The following RBFOX3 variants were observed in gnomAD, a reference collection of about 807,000 sequenced individuals.
RBFOX3 encodes RNA binding fox-1 homolog 3, also known as RNA binding protein fox-1 homolog 3.
A neutral mutation model predicts 48.7 loss-of-function variants in RBFOX3; 17 were observed. The observed-to-expected ratio is 0.35, with a 90% CI of 0.24 to 0.52. The LOEUF (loss-of-function observed/expected upper bound fraction) is 0.52, where lower values mean the gene tolerates loss of function less well. Ranked by LOEUF, RBFOX3 falls within the 20% of genes least tolerant of loss-of-function variation. The pLI is 0.94. For missense variants in RBFOX3, 382 were observed against 497.5 expected, an observed-to-expected ratio of 0.77 and a Z score of 2.21; for synonymous variants, 212 against 209.5, an observed-to-expected ratio of 1.01 and a Z score of -0.10.
intron 4 of RBFOX3, among the ~76,000 whole-genome samples, chr17:79,153,013 C>T (rs962137433): frequency 6.6e-6 from 1 of 152,218 alleles, no homozygotes; most frequent in African/African-American, 2.4e-5. Context: ...CCCCGCCCCA[C>T]CCTACTCCCT....
chr17:79,465,400 G>A (rs2076175763), intron 2 of RBFOX3, among the ~76,000 whole-genome samples: 1 of 152,160 alleles, frequency 6.6e-6, no homozygotes, highest in Non-Finnish European at 1.5e-5. Flanking sequence ...ACACACCACG[G>A]AGGACTGGAG....
At chr17:79,258,295 C>T (rs1462214053) in intron 3 of RBFOX3, among the ~76,000 whole-genome samples, 1 of 152,186 alleles carries the variant, frequency 6.6e-6, no homozygotes, top group Non-Finnish European at 1.5e-5. Context: ...TCCAGTGATA[C>T]GCCGCAGACA....
At chr17:79,635,474 A>C in the RBFOX3 span, among the ~76,000 whole-genome samples, 1 of 152,328 alleles carries the variant, frequency 6.6e-6, no homozygotes, top group South Asian at 2.1e-4. Flanking sequence ...CAAAGCAAGA[A>C]TCTGAGGAGG....
rs2057231828 is a variant in RBFOX3, at chr17:79,363,150, G to A, written c.-174-55326C>T. ...GCTCCTGCAGGGGAGATGGAGGGGA[G>A]GCACATGACTCCTGTGTCTGAGGTG... On this transcript the variant is annotated intron_variant, in intron 2 of 14. Coordinates refer to ENST00000693108, the MANE Select transcript of RBFOX3 (RefSeq NM_001350451.2). The surrounding 1 kb of genome is among the most constrained non-coding windows in gnomAD (Gnocchi z 4.7). Among the ~76,000 whole-genome samples the A allele has an allele frequency of 1.3e-5, 2 of 152,202 alleles. No individual in the cohort carries two copies. The highest frequency in any genetic ancestry group is 1.3e-4 in the Admixed American group (2 of 15,286).
intron 2 of RBFOX3, among the ~76,000 whole-genome samples, chr17:79,393,549 C>A (rs2061602234): frequency 6.6e-6 from 1 of 152,254 alleles, no homozygotes; most frequent in African/African-American, 2.4e-5. Context: ...ACACTGGATG[C>A]TGAGCGGGTC....
intron 2 of RBFOX3, among the ~76,000 whole-genome samples, chr17:79,352,139 T>C (rs1311065840): frequency 6.6e-6 from 1 of 152,216 alleles, no homozygotes; most frequent in Non-Finnish European, 1.5e-5. Flanking sequence ...GGTTTGGCTC[T>C]GTGTCCCCAC....
intron 1 of RBFOX3, among the ~76,000 whole-genome samples, chr17:79,540,517 G>C (rs1555789933): frequency 3.3e-5 from 5 of 152,250 alleles, no homozygotes; most frequent in Non-Finnish European, 7.3e-5. Context: ...GCCAAGGCCA[G>C]CATCCTGGAT....
At chr17:79,154,838 C>G (rs1228700811) in intron 4 of RBFOX3, among the ~76,000 whole-genome samples, 1 of 152,234 alleles carries the variant, frequency 6.6e-6, no homozygotes, top group East Asian at 1.9e-4. Context: ...TGAGCAAGTG[C>G]GAACCCTCCC....
At chr17:79,439,637 A>G (rs8078364) in intron 2 of RBFOX3, among the ~76,000 whole-genome samples, 22,926 of 152,290 alleles carry the variant, frequency 0.15, 2,009 homozygotes, top group Non-Finnish European at 0.19. Flanking sequence ...TCACACGCAC[A>G]CTGCACACAT....
intron 4 of RBFOX3, among the ~76,000 whole-genome samples, chr17:79,189,891 C>G (rs2054123662): frequency 1.3e-5 from 2 of 152,220 alleles, no homozygotes; most frequent in Admixed American, 1.3e-4. Flanking sequence ...AGTGAAGTGC[C>G]CTTGGATGGT....
At chr17:79,118,989 A>AT (rs1475283510) in intron 4 of RBFOX3, among the ~76,000 whole-genome samples, 6 of 148,412 alleles carry the variant, frequency 4.0e-5, no homozygotes, top group Admixed American at 6.7e-5. Flanking sequence ...AAAAAAAAAA[A>AT]AAAATAAAGA....
At chr17:79,309,563 A>G (rs965912472) in intron 2 of RBFOX3, among the ~76,000 whole-genome samples, 11 of 152,118 alleles carry the variant, frequency 7.2e-5, no homozygotes, top group Non-Finnish European at 1.3e-4. Flanking sequence ...GCCCCCAACC[A>G]TCGTATGGGA....
At chr17:79,528,935 C>G (rs2087244905) in intron 1 of RBFOX3, among the ~76,000 whole-genome samples, 2 of 152,204 alleles carry the variant, frequency 1.3e-5, no homozygotes, top group South Asian at 4.1e-4. Context: ...TCAGTTCCTG[C>G]TTCAGGGCCT....
intron 3 of RBFOX3, among the ~76,000 whole-genome samples, chr17:79,292,083 G>A (rs2073375396): frequency 6.6e-6 from 1 of 152,030 alleles, no homozygotes; most frequent in African/African-American, 2.4e-5. Flanking sequence ...GGCTTTCTCT[G>A]GTGATCAGTA....
In RBFOX3 at chr17:79,106,664, C is replaced by A; in HGVS notation, c.347G>T (p.Arg116Leu). 6.7e-7 allele frequency: 1 copy of A among 1,482,464 alleles called. No homozygotes were observed. Among genetic ancestry groups the A allele is most frequent in the Non-Finnish European group, 8.9e-7 (1 of 1,120,290 alleles). 91.8% of individuals were successfully genotyped at this position (1,482,464 alleles called of 1,614,324 possible). Residue 116 changes from arginine to leucine, a missense_variant, in exon 6 of 15, where the codon CGG becomes CTG. Around this residue, in one of 3 missense-constraint regions of RBFOX3, gnomAD observed 49 missense variants for 110.7 expected, o/e 0.44. Transcript: ENST00000693108. ...GCGCACACTCACCCCGAACATTTGC[C>A]GCAAGTCGGGGTCCCTGAACCGGAA... is the stretch of plus-strand genomic sequence containing the variant. ...IPFRFRDPDL[R>L]QMFGQFGKIL... is the part of the protein sequence containing the mutation.
chr17:79,459,848 C>T (rs1332871229), intron 2 of RBFOX3, among the ~76,000 whole-genome samples: 3 of 152,142 alleles, frequency 2.0e-5, no homozygotes, highest in African/African-American at 7.2e-5. Flanking sequence ...CACCAGAAAT[C>T]TTCAGAAAAT....
chr17:79,638,498 T>C, the RBFOX3 span, among the ~76,000 whole-genome samples: 1 of 152,108 alleles, frequency 6.6e-6, no homozygotes, highest in Admixed American at 6.5e-5. Flanking sequence ...AAGAAATGCA[T>C]AAATTTTTAG....
At chr17:79,542,888 A>G (rs1269358848) in intron 1 of RBFOX3, among the ~76,000 whole-genome samples, 1 of 152,236 alleles carries the variant, frequency 6.6e-6, no homozygotes, top group East Asian at 1.9e-4. Flanking sequence ...TGTAAATTGT[A>G]TAAGGGATTA....
At chr17:79,483,921 G>T (rs1417426077) in intron 1 of RBFOX3, among the ~76,000 whole-genome samples, 1 of 152,194 alleles carries the variant, frequency 6.6e-6, no homozygotes, top group Admixed American at 6.5e-5. Flanking sequence ...TGTTTGTTTA[G>T]TTGGTGAGGG....
Sources: allele counts gnomAD v4.1 joint callset (sites outside exome capture counted in the v4.1 genomes callset), GRCh38; gene constraint gnomAD v4.1.1; regional missense constraint gnomAD v4.1.1; non-coding constraint Gnocchi (gnomAD v3.1); transcripts MANE v1.5; gene names NCBI Gene and HGNC (gene_info 2026-07-23, HGNC 2026-07-21).